The following SLC26A5 variants were observed in gnomAD, a reference collection of about 807,000 sequenced individuals.
SLC26A5 encodes the protein solute carrier family 26 member 5.
Under a neutral mutation model 81.0 loss-of-function variants are expected in SLC26A5, and 51 were observed. The observed-to-expected ratio is 0.63, with a 90% CI of 0.50 to 0.80. SLC26A5 has a LOEUF of 0.80. SLC26A5 is among the 30% of genes least tolerant of loss of function. SLC26A5 has a pLI of 0.00. For missense variants in SLC26A5, 771 were observed against 905.8 expected, an observed-to-expected ratio of 0.85 and a Z score of 1.91; for synonymous variants, 325 against 332.8, an observed-to-expected ratio of 0.98 and a Z score of 0.25.
Position 103,446,185 on chromosome 7 carries a change from TAGG to T in SLC26A5, c.-273_-271del, listed in dbSNP as rs1278361548. 1 of 151,134 alleles carries T rather than the reference TAGG, an allele frequency of 6.6e-6. No individual in the cohort carries two copies. Among genetic ancestry groups the T allele is most frequent in the Non-Finnish European group, 1.5e-5 (1 of 67,736 alleles). The allele number at this position is 151,134 out of a possible 1,614,324, so 9.4% of individuals were successfully genotyped here. ...CGCGCGCTGCCTCCAGGTGCGGCTCTAGGAGGAGGCGCCGCGGGCAGTGCCGGC... is the reference window on the plus strand; with the variant it reads ...CGCGCGCTGCCTCCAGGTGCGGCTCTAGGAGGCGCCGCGGGCAGTGCCGGC... On this transcript the variant is annotated 5_prime_UTR_variant, in exon 1 of 20. Coordinates refer to ENST00000306312, the MANE Select transcript of SLC26A5 (RefSeq NM_198999.3).
intron 19 of SLC26A5, chr7:103,354,710 A>G (rs1306913267): frequency 6.8e-6 from 4 of 587,668 alleles, no homozygotes; most frequent in Non-Finnish European, 9.0e-6. Context: ...TGGATTGTGT[A>G]TTTAGGGGGA....
chr7:103,380,509 C>A lies in SLC26A5; in HGVS notation c.1555G>T (p.Val519Leu). 1 of 1,613,798 alleles carries A rather than the reference C, an allele frequency of 6.2e-7. No homozygotes were observed. Among genetic ancestry groups the A allele is most frequent in the Non-Finnish European group, 8.5e-7 (1 of 1,179,788 alleles). Residue 519 changes from valine to leucine, a missense_variant, in exon 15 of 20, where the codon GTG (valine) becomes TTG (leucine). Physicochemically the swap from Val to Leu is conservative, Grantham distance 32. Transcript: ENST00000306312. The part of the protein sequence containing the change: ...KVLGKLPETD[V>L]YIDIDAYEEV... The stretch of plus-strand genomic sequence containing the variant: ...TCATATGCGTCTATATCAATATACA[C>A]ATCAGTTTCAGGAAGCTTTCCAAGG...
intron 4 of SLC26A5, among the ~76,000 whole-genome samples, chr7:103,416,994 A>G (rs1053811758): frequency 4.6e-5 from 7 of 152,162 alleles, no homozygotes; most frequent in Admixed American, 3.3e-4. Context: ...GCAGAAAAAT[A>G]CCTTTCCAAT....
chr7:103,375,864 T>C (rs1023402825), intron 19 of SLC26A5, among the ~76,000 whole-genome samples: 1 of 152,104 alleles, frequency 6.6e-6, no homozygotes, highest in Admixed American at 6.5e-5. Flanking sequence ...CAAGCGATTC[T>C]CCTGCCTCAG....
At chr7:103,355,378 A>G (rs1216711799) in intron 19 of SLC26A5, among the ~76,000 whole-genome samples, 1 of 152,186 alleles carries the variant, frequency 6.6e-6, no homozygotes, top group African/African-American at 2.4e-5. Flanking sequence ...GTGGCATTAT[A>G]TTTTTGGCTT....
intron 8 of SLC26A5, 114 bp downstream of exon 8, chr7:103,407,737 T>C (rs948497598): frequency 8.1e-7 from 1 of 1,228,280 alleles, no homozygotes; most frequent in African/African-American, 1.5e-5. Context: ...ATTGTAACCT[T>C]CTTTTGGCAG....
At position 103,367,276 on chromosome 7, in the gene SLC26A5, A is replaced by G; in HGVS notation, c.2041+9532T>C. ...GTTTTATATAAAGCAAGCTGTTCTT[A>G]CAGGATTTGCTTCAAAGTGGGATGT... On this transcript the variant is annotated intron_variant, in intron 19 of 19. Coordinates refer to the SLC26A5 transcript ENST00000339444. This position sits in a 1 kb window ranked among gnomAD's most constrained non-coding sequence, Gnocchi z 6.1. The G allele has an allele frequency of 1.5e-6, 1 of 678,880 alleles. No homozygotes were observed. Among genetic ancestry groups the G allele is most frequent in the East Asian group, 2.7e-5 (1 of 37,112 alleles). 42.1% of individuals were successfully genotyped at this position (678,880 alleles called of 1,614,324 possible). A position where few individuals can be genotyped will look rare whatever the true frequency, so the allele number is the denominator to read the frequency against.
intron 19 of SLC26A5, among the ~76,000 whole-genome samples, chr7:103,358,846 A>C (rs1222875408): frequency 6.6e-6 from 1 of 152,178 alleles, no homozygotes; most frequent in Non-Finnish European, 1.5e-5. Flanking sequence ...AGACTAGCTA[A>C]AGAGCCCTAT....
chr7:103,366,930 G>A (rs1442528636), intron 19 of SLC26A5, among the ~76,000 whole-genome samples: 2 of 152,082 alleles, frequency 1.3e-5, no homozygotes, highest in Non-Finnish European at 2.9e-5. Context: ...TCAGCCTCCT[G>A]AGTAGCTGCA....
At chr7:103,439,578 G>A (rs1426946586) in intron 2 of SLC26A5, among the ~76,000 whole-genome samples, 4 of 152,058 alleles carry the variant, frequency 2.6e-5, no homozygotes. Flanking sequence ...CTGTTGCCCA[G>A]GCTGGAGTGC....
At position 103,393,157 on chromosome 7, in the gene SLC26A5, A is replaced by G. The variant is rs550067242; in HGVS notation, c.972-91T>C. ...CTGCAGGGAAGCATTTTAGGGGGGC[A>G]TTATCTGCAAATGAAGTAATCAATG... is the stretch of plus-strand genomic sequence containing the variant. On this transcript the variant is annotated intron_variant, in intron 9 of 19. Coordinates refer to ENST00000306312, the MANE Select transcript of SLC26A5 (RefSeq NM_198999.3). The G allele has an allele frequency of 7.3e-4, 1,067 of 1,469,826 alleles. 2 individuals carry two copies. Among genetic ancestry groups the G allele is most frequent in the Non-Finnish European group, 9.4e-4 (1,010 of 1,070,354 alleles). 91.0% of individuals were successfully genotyped at this position (1,469,826 alleles called of 1,614,324 possible).
chr7:103,424,640 G>A (rs888211801), intron 2 of SLC26A5, among the ~76,000 whole-genome samples: 1 of 152,198 alleles, frequency 6.6e-6, no homozygotes, highest in African/African-American at 2.4e-5. Flanking sequence ...TAGACCTGAG[G>A]AAGGTCTAAT....
At chr7:103,379,196 A>C in intron 16 of SLC26A5, 47 bp downstream of exon 16, 1 of 1,344,992 alleles carries the variant, frequency 7.4e-7, no homozygotes, top group Non-Finnish European at 1.1e-6. Flanking sequence ...TATCCCTGTC[A>C]ACCCACAAAT....
intron 4 of SLC26A5, among the ~76,000 whole-genome samples, chr7:103,417,898 GC>G (rs1825050486): frequency 6.6e-6 from 1 of 152,132 alleles, no homozygotes; most frequent in Admixed American, 6.5e-5. Context: ...ACAGGCATGT[GC>G]CACTATGCCT....
chr7:103,369,284 A>G (rs942360533), downstream of SLC26A5: 21 of 152,230 alleles, frequency 1.4e-4, no homozygotes, highest in African/African-American at 4.8e-4. Context: ...GAGGAATTAA[A>G]TAGAGCAAAC....
intron 2 of SLC26A5, among the ~76,000 whole-genome samples, chr7:103,439,384 T>C (rs1379034845): frequency 6.6e-6 from 1 of 152,152 alleles, no homozygotes; most frequent in Non-Finnish European, 1.5e-5. Context: ...CTTACAAGTA[T>C]CCCACTGAAA....
chr7:103,390,720 G>T (rs1315161046), intron 11 of SLC26A5, among the ~76,000 whole-genome samples: 1 of 152,128 alleles, frequency 6.6e-6, no homozygotes, highest in Non-Finnish European at 1.5e-5. Flanking sequence ...AAGCTGAAAT[G>T]TTGTAATATC....
downstream of SLC26A5, chr7:103,374,174 G>A (rs1403512972): frequency 3.6e-5 from 48 of 1,330,022 alleles, no homozygotes; most frequent in Non-Finnish European, 4.3e-5. Context: ...TAGCAGAAAT[G>A]TCTCTCCATA....
chr7:103,374,206 A>G (rs1821176123), downstream of SLC26A5: 1 of 1,385,682 alleles, frequency 7.2e-7, no homozygotes, highest in Non-Finnish European at 9.3e-7. Flanking sequence ...CAACAGGCCA[A>G]TTTATCTTTG....
Sources: allele counts gnomAD v4.1 joint callset (sites outside exome capture counted in the v4.1 genomes callset), GRCh38; gene constraint gnomAD v4.1.1; non-coding constraint Gnocchi (gnomAD v3.1); transcripts MANE v1.5; gene names NCBI Gene and HGNC (gene_info 2026-07-23, HGNC 2026-07-21).